PRSS38: variants seen among roughly 807,000 people sequenced by gnomAD.
PRSS38 encodes marapsin 2.
PRSS38 carries 22 observed loss-of-function variants against 26.8 expected under a neutral mutation model. The ratio of observed to expected loss-of-function variants is 0.82; its 90% confidence interval spans 0.59 to 1.17. The LOEUF is 1.17. Ranked by LOEUF, PRSS38 falls within the 50% of genes most tolerant of loss-of-function variation. The pLI is 0.00. For missense variants in PRSS38, 427 were observed against 422.7 expected, an observed-to-expected ratio of 1.01 and a Z score of -0.09; for synonymous variants, 175 against 172.1, an observed-to-expected ratio of 1.02 and a Z score of -0.13.
At chr1:227,845,501 G>C (rs1011022683) in exon 4 of PRSS38, 2 of 1,612,510 alleles carry the variant, frequency 1.2e-6, no homozygotes, top group African/African-American at 2.7e-5. Context: ...AGGAGATGCA[G>C]CTCCCGCTGA....
At chr1:227,825,570 G>A (rs1025918122) in intron 3 of PRSS38, among the ~76,000 whole-genome samples, 4 of 152,176 alleles carry the variant, frequency 2.6e-5, no homozygotes, top group African/African-American at 9.7e-5. Context: ...GTGTAAGGAA[G>A]GGGTCTAATT....
chr1:227,817,541 G>A, intron 3 of PRSS38, 61 bp downstream of exon 3: 2 of 1,565,018 alleles, frequency 1.3e-6, no homozygotes, highest in South Asian at 1.2e-5. Flanking sequence ...CCACAGGGAA[G>A]AAAATGCTCT....
Position 227,816,359 on chromosome 1 carries a change from T to G in PRSS38, c.311+107T>G, listed in dbSNP as rs2102670648. On this transcript the variant is annotated intron_variant, in intron 2 of 4. Transcript: ENST00000366757. The surrounding 1 kb of genome is among the most constrained non-coding windows in gnomAD (Gnocchi z 5.1). ...AGCCTCCCCCATCACCATTGTCGAC[T>G]CCCTTCACCACTGTCGACCCGCGCA... The G allele has an allele frequency of 6.9e-4, 772 of 1,125,148 alleles. No homozygotes were observed. The highest frequency in any genetic ancestry group is 8.5e-4 in the Non-Finnish European group (669 of 784,938). 69.7% of individuals were successfully genotyped at this position (1,125,148 alleles called of 1,614,324 possible).
At chr1:227,826,153 G>A (rs1665070793) in intron 3 of PRSS38, among the ~76,000 whole-genome samples, 1 of 152,006 alleles carries the variant, frequency 6.6e-6, no homozygotes, top group African/African-American at 2.4e-5. Flanking sequence ...ATTATGAATG[G>A]GAATTCATTC....
At chr1:227,833,215 T>C (rs939688171) in intron 3 of PRSS38, among the ~76,000 whole-genome samples, 1 of 152,036 alleles carries the variant, frequency 6.6e-6, no homozygotes, top group Non-Finnish European at 1.5e-5. Flanking sequence ...AGGCCACAAA[T>C]AGCTAAAACA....
chr1:227,818,675 CAAAA>C (rs71180764), intron 3 of PRSS38, among the ~76,000 whole-genome samples: 2 of 61,060 alleles, frequency 3.3e-5, no homozygotes, highest in East Asian at 5.4e-4. Flanking sequence ...GACCTTCTCT[CAAAA>C]AAAAAAAAAA....
chr1:227,845,155 T>TATGCGTGGTGGGGCTCCTCCCC, intron 3 of PRSS38, among the ~76,000 whole-genome samples: 1 of 135,988 alleles, frequency 7.4e-6, no homozygotes, highest in South Asian at 2.5e-4. Flanking sequence ...GGCTCCTCCC[T>TATGCGTGGTGGGGCTCCTCCCC]GTGTGTGGTG....
intron 3 of PRSS38, among the ~76,000 whole-genome samples, chr1:227,824,901 T>C (rs1326430770): frequency 6.6e-6 from 1 of 152,152 alleles, no homozygotes; most frequent in East Asian, 1.9e-4. Context: ...CCTTTGCTAC[T>C]TTTTAATGGG....
chr1:227,818,225 T>A (rs1446078411), intron 3 of PRSS38, among the ~76,000 whole-genome samples: 1 of 152,222 alleles, frequency 6.6e-6, no homozygotes, highest in Non-Finnish European at 1.5e-5. Flanking sequence ...GCCTGGAGAT[T>A]TCAGGTTGAT....
At chr1:227,824,293 G>A (rs887359480) in intron 3 of PRSS38, among the ~76,000 whole-genome samples, 3 of 152,032 alleles carry the variant, frequency 2.0e-5, no homozygotes, top group Admixed American at 1.3e-4. Context: ...TCATAATTCA[G>A]CTCCCACTTA....
intron 3 of PRSS38, among the ~76,000 whole-genome samples, chr1:227,831,104 C>T (rs1336433951): frequency 1.3e-5 from 2 of 151,902 alleles, no homozygotes; most frequent in African/African-American, 4.8e-5. Context: ...TTTCTAGTTT[C>T]CTAAGGTAGA....
chr1:227,833,078 A>AG (rs999335889), intron 3 of PRSS38, among the ~76,000 whole-genome samples: 1 of 152,250 alleles, frequency 6.6e-6, no homozygotes, highest in Non-Finnish European at 1.5e-5. Flanking sequence ...ATGGATTGGG[A>AG]GACTTAATAT....
intron 3 of PRSS38, among the ~76,000 whole-genome samples, chr1:227,821,845 A>T (rs1176172525): frequency 6.6e-6 from 1 of 152,170 alleles, no homozygotes; most frequent in African/African-American, 2.4e-5. Flanking sequence ...AAGTTTGTTC[A>T]GTCTGAATTT....
chr1:227,816,876 G>A lies in PRSS38; in HGVS notation c.312-333G>A, dbSNP rs1481154039. 6.6e-6 allele frequency among the ~76,000 whole-genome samples: 1 copy of A among 152,230 alleles called. No homozygotes were observed. The highest frequency in any genetic ancestry group is 2.4e-5 in the African/African-American group (1 of 41,462). ...TCACCACAGCTGCCCCGCACAGCAG[G>A]CACGCCTCTCCTGTGGCCATCTGGC... On this transcript the variant is annotated intron_variant, in intron 2 of 4. Transcript: ENST00000366757. This position sits in a 1 kb window ranked among gnomAD's most constrained non-coding sequence, Gnocchi z 5.1.
At chr1:227,817,248 C>T (rs200581657) in exon 3 of PRSS38, 52 of 1,614,030 alleles carry the variant, frequency 3.2e-5, no homozygotes, top group Middle Eastern at 3.3e-4. Context: ...ACGTAGGCCT[C>T]GTAAACCTCA....
chr1:227,844,207 G>A (rs1302320974), intron 3 of PRSS38, among the ~76,000 whole-genome samples: 2 of 152,212 alleles, frequency 1.3e-5, no homozygotes, highest in Admixed American at 6.5e-5. Flanking sequence ...CTTAAGGTTA[G>A]TGTTCCTTCA....
intron 3 of PRSS38, among the ~76,000 whole-genome samples, chr1:227,842,793 T>C (rs1665358328): frequency 6.6e-6 from 1 of 152,082 alleles, no homozygotes. Flanking sequence ...GTCAGGGTGG[T>C]CTCGAACTCC....
intron 3 of PRSS38, among the ~76,000 whole-genome samples, chr1:227,821,634 C>A (rs886471942): frequency 2.6e-5 from 4 of 152,042 alleles, no homozygotes; most frequent in African/African-American, 9.7e-5. Context: ...AAGGTTTTTT[C>A]TTTTAGCACT....
chr1:227,816,393 T>C lies in PRSS38; in HGVS notation c.311+141T>C. 1.2e-6 allele frequency: 1 copy of C among 868,780 alleles called. No homozygotes were observed. 53.8% of individuals were successfully genotyped at this position (868,780 alleles called of 1,614,324 possible). On this transcript the variant is annotated intron_variant, in intron 2 of 4. Transcript: ENST00000366757. This position sits in a 1 kb window ranked among gnomAD's most constrained non-coding sequence, Gnocchi z 5.1. ...CACTGTCGACCCGCGCAAGGCCAGG[T>C]CCCCACCAGTGAGGCTGGTCCCCAA...
Sources: allele counts gnomAD v4.1 joint callset (sites outside exome capture counted in the v4.1 genomes callset), GRCh38; gene constraint gnomAD v4.1.1; non-coding constraint Gnocchi (gnomAD v3.1); transcripts MANE v1.5; gene names NCBI Gene and HGNC (gene_info 2026-07-23, HGNC 2026-07-21).